Variants in MDGA2 observed in about 807,000 individuals in gnomAD.
The protein encoded by MDGA2 is MAM domain-containing glycosylphosphatidylinositol anchor protein 2.
Under a neutral mutation model 117.8 loss-of-function variants are expected in MDGA2, and 40 were observed. The ratio of observed to expected loss-of-function variants is 0.34; its 90% CI spans 0.26 to 0.44. MDGA2 has a LOEUF of 0.44. Ranked by LOEUF, MDGA2 falls within the 20% of genes least tolerant of loss-of-function variation. The pLI, the probability that MDGA2 is intolerant of heterozygous loss-of-function variation, is 1.00. For missense variants in MDGA2, 1,123 were observed against 1,250.6 expected (o/e 0.90, Z 1.54); for synonymous variants, 452 against 439.0 (o/e 1.03, Z -0.37).
At chr14:47,136,742 G>T (rs2139173520) in intron 4 of MDGA2, among the ~76,000 whole-genome samples, 1 of 152,208 alleles carries the variant, frequency 6.6e-6, no homozygotes, top group South Asian at 2.1e-4. Flanking sequence ...TGTTTTGCAT[G>T]TTGTCAACTC....
chr14:47,161,264 G>T (rs1382380017), intron 3 of MDGA2, among the ~76,000 whole-genome samples: 2 of 151,872 alleles, frequency 1.3e-5, no homozygotes, highest in African/African-American at 2.4e-5. Flanking sequence ...ACGGCATTTT[G>T]AGCTGATTTT....
At chr14:47,297,651 TTCA>T (rs1337325124) in intron 2 of MDGA2, among the ~76,000 whole-genome samples, 3 of 152,198 alleles carry the variant, frequency 2.0e-5, no homozygotes, top group Non-Finnish European at 4.4e-5. Context: ...TTCTTACTTC[TTCA>T]TGCATCTTTG....
rs1421849135 is a variant in MDGA2 at position 47,131,922 on chromosome 14, T to C, written c.793-76A>G. ...AGAATGAATGAAACATCACATCACATTACATTGTATTAAATCATATTATTA... is the reference window on the plus strand; with the variant it reads ...AGAATGAATGAAACATCACATCACACTACATTGTATTAAATCATATTATTA... On this transcript the variant is annotated intron_variant, in intron 4 of 16. Coordinates refer to ENST00000399232, the MANE Select transcript of MDGA2 (RefSeq NM_001113498.3). 9.6e-6 allele frequency: 11 copies of C among 1,142,832 alleles called. 1 individual carries two copies. In the South Asian group the frequency reaches 2.1e-4, roughly 22 times the overall value. 70.8% of individuals were successfully genotyped at this position (1,142,832 alleles called of 1,614,324 possible).
chr14:47,434,956 G>C (rs2416073), intron 1 of MDGA2, among the ~76,000 whole-genome samples: 98,408 of 152,038 alleles, frequency 0.65, 32,052 homozygotes, highest in South Asian at 0.74. Context: ...ACCAACATGG[G>C]GAAAACCTGT....
chr14:47,340,994 G>C (rs190601831), intron 1 of MDGA2, among the ~76,000 whole-genome samples: 1 of 152,052 alleles, frequency 6.6e-6, no homozygotes, highest in African/African-American at 2.4e-5. Flanking sequence ...CTGATGATTG[G>C]TCCCACCCTC....
chr14:47,313,236 C>T lies in MDGA2; in HGVS notation c.281-11686G>A, dbSNP rs952629786. ...ACTTTAACTAATCTAAGCTGTAAAA[C>T]ACATGGATCGGTGCCTTTCAAAATG... On this transcript the variant is annotated intron_variant, in intron 1 of 16. Transcript: ENST00000399232. Among the ~76,000 whole-genome samples the T allele has an allele frequency of 6.6e-5, 10 of 151,960 alleles. No homozygotes were observed. In the South Asian group the frequency reaches 1.4e-3, roughly 22 times the overall value.
intron 7 of MDGA2, among the ~76,000 whole-genome samples, chr14:47,044,229 C>CAT (rs1186532261): frequency 6.6e-6 from 1 of 152,018 alleles, no homozygotes. Context: ...GATCATTTTT[C>CAT]ATATATGAAC....
intron 6 of MDGA2, among the ~76,000 whole-genome samples, chr14:47,072,488 G>A (rs1447512566): frequency 1.3e-5 from 2 of 152,222 alleles, no homozygotes; most frequent in Non-Finnish European, 2.9e-5. Flanking sequence ...AAAATGAGTT[G>A]ATGATAAGAC....
At chr14:47,658,397 A>G (rs1392954160) in intron 1 of MDGA2, among the ~76,000 whole-genome samples, 1 of 152,108 alleles carries the variant, frequency 6.6e-6, no homozygotes, top group African/African-American at 2.4e-5. Context: ...TGCCAAGTTC[A>G]CAATCTAATC....
At chr14:47,540,914 C>T (rs1291810533) in intron 1 of MDGA2, among the ~76,000 whole-genome samples, 1 of 152,044 alleles carries the variant, frequency 6.6e-6, no homozygotes, top group African/African-American at 2.4e-5. Flanking sequence ...CACATTAAAA[C>T]ACAATCACCA....
At chr14:47,028,447 G>A (rs1347478527) in intron 8 of MDGA2, among the ~76,000 whole-genome samples, 1 of 152,078 alleles carries the variant, frequency 6.6e-6, no homozygotes, top group African/African-American at 2.4e-5. Flanking sequence ...CAATATTACA[G>A]GATAGTTCTG....
chr14:47,284,822 T>A (rs187094701), intron 2 of MDGA2, among the ~76,000 whole-genome samples: 1 of 152,264 alleles, frequency 6.6e-6, no homozygotes, highest in African/African-American at 2.4e-5. Context: ...ATTACCCAGA[T>A]GATATATCTT....
chr14:47,484,938 T>C (rs1193640882), intron 1 of MDGA2, among the ~76,000 whole-genome samples: 1 of 152,132 alleles, frequency 6.6e-6, no homozygotes, highest in African/African-American at 2.4e-5. Flanking sequence ...TTTTTTATTT[T>C]TGCAAATTGC....
intron 12 of MDGA2, among the ~76,000 whole-genome samples, chr14:46,876,628 C>G (rs182640309): frequency 6.6e-6 from 1 of 151,322 alleles, no homozygotes; most frequent in Non-Finnish European, 1.5e-5. Flanking sequence ...TTCTCCATTA[C>G]GTGGTCTTCA....
chr14:47,110,957 G>A (rs993865841), intron 5 of MDGA2, among the ~76,000 whole-genome samples: 1 of 151,906 alleles, frequency 6.6e-6, no homozygotes, highest in African/African-American at 2.4e-5. Flanking sequence ...TCTATTTTAA[G>A]AAAAAATCCT....
At chr14:47,124,187 G>T (rs1389382166) in intron 5 of MDGA2, among the ~76,000 whole-genome samples, 2 of 151,898 alleles carry the variant, frequency 1.3e-5, no homozygotes, top group Non-Finnish European at 2.9e-5. Context: ...TCACATATTA[G>T]CTTTGCCCTC....
At chr14:47,384,471 G>C (rs765350821) in intron 1 of MDGA2, among the ~76,000 whole-genome samples, 1 of 151,848 alleles carries the variant, frequency 6.6e-6, no homozygotes. Flanking sequence ...TTGTTATCTT[G>C]TATTATTCTT....
intron 9 of MDGA2, among the ~76,000 whole-genome samples, chr14:46,947,004 T>G (rs1200984232): frequency 6.6e-6 from 1 of 152,148 alleles, no homozygotes; most frequent in Non-Finnish European, 1.5e-5. Context: ...ATTACTTGTT[T>G]ACAAAAAACA....
At chr14:46,939,657 A>T (rs1159542959) in intron 9 of MDGA2, among the ~76,000 whole-genome samples, 1 of 152,192 alleles carries the variant, frequency 6.6e-6, no homozygotes, top group Non-Finnish European at 1.5e-5. Context: ...TAGTTGCTGT[A>T]TTTGTCAGGC....
Sources: allele counts gnomAD v4.1 joint callset (sites outside exome capture counted in the v4.1 genomes callset), GRCh38; gene constraint gnomAD v4.1.1; transcripts MANE v1.5; gene names NCBI Gene and HGNC (gene_info 2026-07-23, HGNC 2026-07-21).